RIF1: variants seen among roughly 807,000 people sequenced by gnomAD.
RIF1 encodes replication timing regulatory factor 1.
RIF1 carries 45 observed loss-of-function variants against 247.1 expected under a neutral mutation model. The observed-to-expected ratio is 0.18, with a 90% confidence interval of 0.14 to 0.23. The LOEUF (loss-of-function observed/expected upper bound fraction) is 0.23. Among genes scored for constraint, RIF1 ranks in the 10% least tolerant of loss-of-function variants. The pLI is 1.00. For synonymous variants in RIF1, 1,087 were observed against 978.8 expected (o/e 1.11, Z -2.06); for missense variants, 2,967 against 2,862.5 (o/e 1.04, Z -0.83).
chr2:151,469,975 T>C, intron 34 of RIF1, 111 bp downstream of exon 34: 1 of 738,106 alleles, frequency 1.4e-6, no homozygotes, highest in Non-Finnish European at 2.1e-6. Context: ...TTGATTCATT[T>C]ATTTTGTACT....
intron 6 of RIF1, 80 bp downstream of exon 6, chr2:151,416,981 G>A: frequency 2.8e-6 from 3 of 1,066,070 alleles, no homozygotes; most frequent in Non-Finnish European, 2.8e-6. Context: ...GGATTTAAAT[G>A]AGAGACAGAC....
chr2:151,418,002 T>G (rs1236178985), intron 6 of RIF1, among the ~76,000 whole-genome samples: 1 of 152,040 alleles, frequency 6.6e-6, no homozygotes, highest in African/African-American at 2.4e-5. Flanking sequence ...TAAAAAAGAT[T>G]AAAAAATGGT....
intron 21 of RIF1, among the ~76,000 whole-genome samples, chr2:151,454,347 G>T (rs1322072519): frequency 6.6e-6 from 1 of 152,060 alleles, no homozygotes; most frequent in East Asian, 1.9e-4. Context: ...GTACTTTTAG[G>T]ACAAATCTTT....
At chr2:151,531,308 CTTTTTTTTTTTTTTT>C in the RIF1 span, among the ~76,000 whole-genome samples, 14 of 84,010 alleles carry the variant, frequency 1.7e-4, no homozygotes, top group Non-Finnish European at 1.3e-4. Flanking sequence ...TTTTTTCTTT[CTTTTTTTTTTTTTTT>C]TTTTTTTTTT....
chr2:151,415,205 G>A (rs1686976731), intron 4 of RIF1, among the ~76,000 whole-genome samples: 1 of 151,812 alleles, frequency 6.6e-6, no homozygotes, highest in African/African-American at 2.4e-5. Flanking sequence ...AAATTAGCCG[G>A]GCACCGTGGC....
At chr2:151,514,999 A>AG in the RIF1 span, 7 of 978,390 alleles carry the variant, frequency 7.2e-6, no homozygotes, top group South Asian at 9.2e-5. Flanking sequence ...CATCTCAGGA[A>AG]GAAAAAAAAA....
the RIF1 span, chr2:151,499,344 G>GTGA: frequency 2.6e-6 from 4 of 1,546,562 alleles, no homozygotes; most frequent in Non-Finnish European, 3.5e-6. Flanking sequence ...CATCTCTGGA[G>GTGA]TGATGGGGAT....
At chr2:151,467,236 A>G (rs565454586) in intron 30 of RIF1, among the ~76,000 whole-genome samples, 2 of 152,272 alleles carry the variant, frequency 1.3e-5, no homozygotes, top group African/African-American at 4.8e-5. Context: ...AAAAAGAAAA[A>G]AAAATGTTCT....
downstream of RIF1, chr2:151,512,752 A>G: frequency 6.2e-7 from 1 of 1,613,668 alleles, no homozygotes; most frequent in East Asian, 2.2e-5. Context: ...AAGATTCTTG[A>G]CTTGTTGGGC....
At chr2:151,513,319 C>G in the RIF1 span, among the ~76,000 whole-genome samples, 1 of 152,168 alleles carries the variant, frequency 6.6e-6, no homozygotes, top group South Asian at 2.1e-4. Flanking sequence ...TGCCCCAGCT[C>G]CAAACAGCTA....
chr2:151,419,125 G>A (rs767117148), intron 6 of RIF1, among the ~76,000 whole-genome samples: 2 of 151,900 alleles, frequency 1.3e-5, no homozygotes, highest in Non-Finnish European at 2.9e-5. Flanking sequence ...CATGCATGGA[G>A]CTGTCATCTT....
At chr2:151,524,507 AC>A in the RIF1 span, 1 of 1,613,486 alleles carries the variant, frequency 6.2e-7, no homozygotes, top group African/African-American at 1.3e-5. Flanking sequence ...TTTTCATGAC[AC>A]CCTTACCTCA....
At chr2:151,460,184 TAAAAATTGGATGAAAG>T (rs1695900634) in intron 26 of RIF1, 65 bp downstream of exon 26, 9 of 1,235,618 alleles carry the variant, frequency 7.3e-6, no homozygotes, top group Non-Finnish European at 1.0e-5. Flanking sequence ...CATACAACTT[TAAAAATTGGATGAAAG>T]AACTATAAAA....
At chr2:151,433,555 A>G (rs1431009320) in intron 10 of RIF1, among the ~76,000 whole-genome samples, 1 of 152,102 alleles carries the variant, frequency 6.6e-6, no homozygotes, top group Non-Finnish European at 1.5e-5. Context: ...CCTGGGTTCA[A>G]GTGATTCTCC....
At chr2:151,514,480 C>G in the RIF1 span, 55 of 1,348,730 alleles carry the variant, frequency 4.1e-5, no homozygotes, top group African/African-American at 8.6e-5. Flanking sequence ...CAGATTGATT[C>G]TCTCAGGCAA....
intron 18 of RIF1, among the ~76,000 whole-genome samples, chr2:151,444,817 T>C (rs1692976115): frequency 6.6e-6 from 1 of 152,182 alleles, no homozygotes; most frequent in Non-Finnish European, 1.5e-5. Context: ...ACATAGTGCA[T>C]AATTTCCCCA....
intron 17 of RIF1, 69 bp downstream of exon 17, chr2:151,443,398 C>G: frequency 7.7e-7 from 1 of 1,301,132 alleles, no homozygotes; most frequent in East Asian, 2.4e-5. Flanking sequence ...TATTTATGTA[C>G]TATTTCATAA....
At chr2:151,490,591 A>G (rs1368940813) in intron 9 of RIF1, 6 of 1,518,702 alleles carry the variant, frequency 4.0e-6, no homozygotes, top group Non-Finnish European at 5.4e-6. Flanking sequence ...ACAGTGATTG[A>G]ATCTCAGTTA....
intron 19 of RIF1, among the ~76,000 whole-genome samples, chr2:151,445,678 G>A (rs1187269937): frequency 6.6e-6 from 1 of 151,980 alleles, no homozygotes; most frequent in Non-Finnish European, 1.5e-5. Context: ...CTCCCAAGTA[G>A]CTGGGATTAC....
Sources: gnomAD v4.1 joint callset for allele counts (sites outside exome capture counted in the v4.1 genomes callset) on GRCh38, gnomAD v4.1.1 for gene constraint, MANE v1.5 for transcripts, NCBI Gene and HGNC (gene_info 2026-07-23, HGNC 2026-07-21) for gene names.